GRIK2: variants seen among roughly 807,000 people sequenced by gnomAD.
GRIK2 encodes the protein glutamate receptor ionotropic, kainate 2.
GRIK2 carries 32 observed loss-of-function variants against 100.3 expected under a neutral mutation model. The ratio of observed to expected loss-of-function variants is 0.32; its 90% CI spans 0.24 to 0.43. The LOEUF (loss-of-function observed/expected upper bound fraction) is 0.43. GRIK2 is among the 20% of genes least tolerant of loss of function. GRIK2 has a pLI of 1.00. For missense variants in GRIK2, 843 were observed against 1,114.9 expected, an observed-to-expected ratio of 0.76 and a Z score of 3.47; for synonymous variants, 417 against 389.4, an observed-to-expected ratio of 1.07 and a Z score of -0.83.
chr6:101,513,505 C>G (rs1774424896), intron 2 of GRIK2, among the ~76,000 whole-genome samples: 2 of 152,090 alleles, frequency 1.3e-5, no homozygotes, highest in Non-Finnish European at 2.9e-5. Context: ...GCAAATTTTT[C>G]CCCACAAAGA....
chr6:101,692,657 A>G (rs540791060), intron 7 of GRIK2, among the ~76,000 whole-genome samples: 77 of 152,166 alleles, frequency 5.1e-4, no homozygotes, highest in African/African-American at 1.8e-3. Context: ...TTCCGTAATC[A>G]TTTATGATAG....
chr6:101,824,829 T>C (rs542642034), intron 10 of GRIK2, among the ~76,000 whole-genome samples: 41 of 151,996 alleles, frequency 2.7e-4, no homozygotes, highest in African/African-American at 9.6e-4. Context: ...TGTAAAGCTT[T>C]TGTGTCACAG....
chr6:101,492,689 A>G (rs1773195800), intron 2 of GRIK2, among the ~76,000 whole-genome samples: 1 of 151,928 alleles, frequency 6.6e-6, no homozygotes, highest in Admixed American at 6.6e-5. Context: ...ATTGAGTACT[A>G]TACTTTAAAG....
chr6:101,952,699 T>C, intron 14 of GRIK2, among the ~76,000 whole-genome samples: 1 of 151,740 alleles, frequency 6.6e-6, no homozygotes, highest in African/African-American at 2.4e-5. Flanking sequence ...GCCTCCTGGG[T>C]TCACGCCATT....
rs1048083170 is a variant in GRIK2 at position 101,399,140 on chromosome 6, A to G, written c.-138A>G. 6.6e-6 allele frequency: 4 copies of G among 604,146 alleles called. No individual in the cohort carries two copies. The highest frequency in any genetic ancestry group is 5.5e-5 in the Admixed American group (2 of 36,354). The allele number at this position is 604,146 out of a possible 1,614,324, so 37.4% of individuals were successfully genotyped here. On this transcript the variant is annotated 5_prime_UTR_variant, in exon 2 of 17. Transcript: ENST00000369134. ...GATTGCTAATGGGTTTGGGAAGCGG[A>G]GACTCCTTCCTCTCTCTATGACCAT...
chr6:101,729,818 A>G (rs1775135457), intron 7 of GRIK2, among the ~76,000 whole-genome samples: 1 of 151,920 alleles, frequency 6.6e-6, no homozygotes, highest in East Asian at 1.9e-4. Context: ...TTGTCTAACA[A>G]TATTTGTTCG....
intron 2 of GRIK2, among the ~76,000 whole-genome samples, chr6:101,603,440 T>A (rs1779311193): frequency 6.6e-6 from 1 of 151,664 alleles, no homozygotes; most frequent in African/African-American, 2.4e-5. Flanking sequence ...GAATTTTGGT[T>A]GGGCTACTGA....
chr6:101,741,070 C>T (rs78030677), intron 7 of GRIK2, among the ~76,000 whole-genome samples: 2,998 of 152,194 alleles, frequency 0.02, 93 homozygotes, highest in African/African-American at 0.067. Context: ...AAAATACAAC[C>T]ACTACTTTGA....
chr6:101,876,867 T>G (rs1785886738), intron 11 of GRIK2, among the ~76,000 whole-genome samples: 1 of 151,936 alleles, frequency 6.6e-6, no homozygotes, highest in Non-Finnish European at 1.5e-5. Flanking sequence ...CTACACTAAG[T>G]CAACAGTATG....
At chr6:101,611,049 A>G (rs981099597) in intron 2 of GRIK2, among the ~76,000 whole-genome samples, 1 of 151,680 alleles carries the variant, frequency 6.6e-6, no homozygotes, top group East Asian at 1.9e-4. Context: ...TATTATTTGC[A>G]TGTGTATTTT....
chr6:101,440,877 G>T (rs1383549963), intron 2 of GRIK2, among the ~76,000 whole-genome samples: 2 of 143,774 alleles, frequency 1.4e-5, no homozygotes, highest in African/African-American at 5.2e-5. Flanking sequence ...CTACGAGAAA[G>T]AAATGCTTTT....
At chr6:101,437,406 C>T (rs981151819) in intron 2 of GRIK2, among the ~76,000 whole-genome samples, 1 of 152,068 alleles carries the variant, frequency 6.6e-6, no homozygotes, top group Non-Finnish European at 1.5e-5. Flanking sequence ...CAACTGCCAA[C>T]AACGGTGTGA....
intron 7 of GRIK2, among the ~76,000 whole-genome samples, chr6:101,794,208 C>G (rs904923752): frequency 6.6e-6 from 1 of 152,144 alleles, no homozygotes; most frequent in East Asian, 1.9e-4. Flanking sequence ...GCACAGTGCA[C>G]TGCACTGCTG....
intron 2 of GRIK2, among the ~76,000 whole-genome samples, chr6:101,404,142 C>A (rs1775482188): frequency 1.3e-5 from 2 of 152,192 alleles, no homozygotes; most frequent in South Asian, 4.1e-4. Context: ...GTAGACATTT[C>A]TTCAGACTAG....
In GRIK2 at chr6:101,906,531, A is replaced by T. The variant is rs1237046992; in HGVS notation, c.1748+16668A>T. Among the ~76,000 whole-genome samples the T allele has an allele frequency of 5.3e-5, 8 of 151,518 alleles. No individual in the cohort carries two copies. In the East Asian group the frequency reaches 1.5e-3, roughly 29 times the overall value. On this transcript the variant is annotated intron_variant, in intron 12 of 16. Transcript: ENST00000369134. ...TTCTGTCTAAGTGGAGGGATTTAAA[A>T]TTTATTATTGGGAAAGGACAAATGT...
At chr6:101,719,161 T>G (rs947767004) in intron 7 of GRIK2, among the ~76,000 whole-genome samples, 4 of 55,380 alleles carry the variant, frequency 7.2e-5, no homozygotes, top group African/African-American at 1.3e-4. Flanking sequence ...TTTTTTTTTT[T>G]TTTTTTTTTT....
intron 5 of GRIK2, among the ~76,000 whole-genome samples, chr6:101,680,054 G>A (rs1771132498): frequency 6.6e-6 from 1 of 151,974 alleles, no homozygotes; most frequent in Non-Finnish European, 1.5e-5. Flanking sequence ...CGTTTTCTAC[G>A]TCATATATCA....
Position 101,715,366 on chromosome 6 carries a change from A to T in GRIK2, c.951+29013A>T, listed in dbSNP as rs375531812. ...TCCCCCACCTGAACTGAAGCAAGTCAAAGAGGACTTGAGGCTAACCTGAGA... is the reference window on the plus strand; with the variant it reads ...TCCCCCACCTGAACTGAAGCAAGTCTAAGAGGACTTGAGGCTAACCTGAGA... On this transcript the variant is annotated intron_variant, in intron 7 of 16. Transcript: ENST00000369134. Among the ~76,000 whole-genome samples the T allele has an allele frequency of 6.6e-5, 10 of 151,874 alleles. No individual in the cohort carries two copies. In the East Asian group the frequency reaches 7.8e-4, roughly 12 times the overall value.
At chr6:101,481,323 A>T (rs1772518044) in intron 2 of GRIK2, among the ~76,000 whole-genome samples, 1 of 152,196 alleles carries the variant, frequency 6.6e-6, no homozygotes, top group African/African-American at 2.4e-5. Flanking sequence ...CAAATCCAAA[A>T]GGAGCCCTCA....
Sources: gnomAD v4.1 joint callset for allele counts (sites outside exome capture counted in the v4.1 genomes callset) on GRCh38, gnomAD v4.1.1 for gene constraint, MANE v1.5 for transcripts, NCBI Gene and HGNC (gene_info 2026-07-23, HGNC 2026-07-21) for gene names.